The following ANKMY1 variants were observed in gnomAD, a reference collection of about 807,000 sequenced individuals.
ANKMY1 encodes ankyrin repeat and MYND domain containing 1.
Under a neutral mutation model 102.0 loss-of-function variants are expected in ANKMY1, and 98 were observed. The ratio of observed to expected loss-of-function variants is 0.96; its 90% CI spans 0.82 to 1.14. The LOEUF (loss-of-function observed/expected upper bound fraction) is 1.14, where lower values mean the gene tolerates loss of function less well. Among genes scored for constraint, ANKMY1 ranks in the 50% most tolerant of loss-of-function variants. ANKMY1 has a pLI of 0.00. For missense variants in ANKMY1, 1,330 were observed against 1,347.6 expected (o/e 0.99, Z 0.20); for synonymous variants, 582 against 559.9 (o/e 1.04, Z -0.56).
Position 240,554,854 on chromosome 2 carries a change from G to A in ANKMY1, c.336+12C>T, listed in dbSNP as rs1350571334. On this transcript the variant is annotated intron_variant, in intron 3 of 17. Transcript: ENST00000401804. ...CTAGGGGAGGAGGCGGAGAAAGTGT[G>A]GAAGCAGTTACCTCGCCTGTGGGCC... is the stretch of plus-strand genomic sequence containing the variant. 5.0e-6 allele frequency: 8 copies of A among 1,613,916 alleles called. No individual in the cohort carries two copies. Among genetic ancestry groups the A allele is most frequent in the South Asian group, 1.1e-5 (1 of 91,074 alleles).
In ANKMY1 at chr2:240,524,247, G is replaced by A. The variant is rs765337972; in HGVS notation, c.1470C>T (p.Leu490=). The A allele has an allele frequency of 6.2e-7, 1 of 1,613,908 alleles. No individual in the cohort carries two copies. Among genetic ancestry groups the A allele is most frequent in the South Asian group, 1.1e-5 (1 of 91,086 alleles). ...CGTGGCTGCCTGAGACGCGTGGCAG[G>A]AGCAGTGGTGCTGGCGGTGGCCTCA... is the stretch of plus-strand genomic sequence containing the variant. The part of the protein sequence containing the change: ...YELRPPPAPL[L]LPRVSGSHEG... Residue 490 remains leucine (L), a synonymous_variant, in exon 8 of 18, where the codon CTC becomes CTT. Coordinates refer to ENST00000401804, the MANE Select transcript of ANKMY1 (RefSeq NM_001282771.3).
At position 240,512,945 on chromosome 2, in the gene ANKMY1, G is replaced by A; in HGVS notation, c.2005-3C>T. On this transcript the variant is annotated splice_region_variant and splice_polypyrimidine_tract_variant and intron_variant, in intron 9 of 17. Coordinates refer to ENST00000401804, the MANE Select transcript of ANKMY1 (RefSeq NM_001282771.3). The stretch of plus-strand genomic sequence containing the variant: ...TGGAGTGGTGTCAGGGTGCTCAGCT[G>A]CAGAGGAAACACCGGGGCGGGCAGT... The A allele has an allele frequency of 6.2e-7, 1 of 1,611,042 alleles. No individual in the cohort carries two copies. Among genetic ancestry groups the A allele is most frequent in the Non-Finnish European group, 8.5e-7 (1 of 1,178,320 alleles).
At chr2:240,557,512 C>T (rs570533932) in intron 1 of ANKMY1, 160 bp from the exon 2 acceptor site, 1 of 753,916 alleles carries the variant, frequency 1.3e-6, no homozygotes, top group Non-Finnish European at 1.9e-6. Context: ...CCCGGACCAC[C>T]ATCCCTGGGA....
chr2:240,532,504 A>G (rs1422358096), intron 4 of ANKMY1, among the ~76,000 whole-genome samples: 1 of 152,222 alleles, frequency 6.6e-6, no homozygotes, highest in Non-Finnish European at 1.5e-5. Context: ...ACTCTTGATA[A>G]AAGACCAGAA....
At chr2:240,510,021 G>C (rs10186521) in intron 11 of ANKMY1, among the ~76,000 whole-genome samples, 9 of 127,012 alleles carry the variant, frequency 7.1e-5, no homozygotes, top group South Asian at 2.5e-4. Context: ...CTCCTCCCCC[G>C]TCCCTGTCCT....
At chr2:240,482,284 T>G in intron 15 of ANKMY1, 23 bp from the exon 16 acceptor site, 1 of 1,600,908 alleles carries the variant, frequency 6.2e-7, no homozygotes, top group Non-Finnish European at 8.5e-7. Flanking sequence ...GGGTCCCGCA[T>G]TAGTACCCAC....
downstream of ANKMY1, among the ~76,000 whole-genome samples, chr2:240,478,125 A>T (rs1039741097): frequency 2.0e-5 from 3 of 152,128 alleles, no homozygotes; most frequent in Non-Finnish European, 4.4e-5. Context: ...CTCCCGCTCC[A>T]GCCATGCGAA....
intron 13 of ANKMY1, 53 bp downstream of exon 13, chr2:240,507,507 C>T: frequency 6.4e-7 from 1 of 1,556,654 alleles, no homozygotes. Context: ...TCAGGGCCAC[C>T]CCACCACCCT....
upstream of ANKMY1, chr2:240,560,936 C>G (rs1399380473): frequency 2.0e-6 from 3 of 1,538,076 alleles, no homozygotes; most frequent in Non-Finnish European, 2.6e-6. Flanking sequence ...ACCTGGAGCC[C>G]ACGTGCGCCG....
chr2:240,550,120 T>C (rs2125049898), intron 4 of ANKMY1, among the ~76,000 whole-genome samples: 1 of 152,052 alleles, frequency 6.6e-6, no homozygotes, highest in Middle Eastern at 3.4e-3. Context: ...CCAACCCAAA[T>C]GTCCAACAAT....
Position 240,520,822 on chromosome 2 carries a change from C to CCACACACAAGCCACACCAGAG in ANKMY1, c.1833-310_1833-290dup, listed in dbSNP as rs1167638063. ...CACACAGTACACACAGCACACAACC[C>CCACACACAAGCCACACCAGAG]CACACACAAGCCACACCAGAGCGCA... On this transcript the variant is annotated intron_variant, in intron 8 of 17. Coordinates refer to ENST00000401804, the MANE Select transcript of ANKMY1 (RefSeq NM_001282771.3). This position sits in a 1 kb window ranked among gnomAD's most constrained non-coding sequence, Gnocchi z 4.8. Among the ~76,000 whole-genome samples, 2 of 150,726 alleles carry CCACACACAAGCCACACCAGAG rather than the reference C, an allele frequency of 1.3e-5. No homozygotes were observed. The highest frequency in any genetic ancestry group is 3.9e-4 in the East Asian group (2 of 5,116).
chr2:240,557,185 C>T lies in ANKMY1; in HGVS notation c.146+5G>A. 6.6e-7 allele frequency: 1 copy of T among 1,515,646 alleles called. No homozygotes were observed. Among genetic ancestry groups the T allele is most frequent in the South Asian group, 1.3e-5 (1 of 79,606 alleles). 93.9% of individuals were successfully genotyped at this position (1,515,646 alleles called of 1,614,324 possible). A position where few individuals can be genotyped will look rare whatever the true frequency, so the allele number is the denominator to read the frequency against. ...CGGACCTCCCCGCTGGAGGGTCCCC[C>T]GCACCTTGTGGCGAAGACAGCGTAG... On this transcript the variant is annotated splice_donor_5th_base_variant and intron_variant, in intron 2 of 17. Transcript: ENST00000401804.
downstream of ANKMY1, among the ~76,000 whole-genome samples, chr2:240,475,596 T>C (rs1402432436): frequency 6.6e-6 from 1 of 151,894 alleles, no homozygotes. Flanking sequence ...TTATTGCTAA[T>C]TATTTTATTA....
At chr2:240,528,751 CT>C (rs991284382) in intron 5 of ANKMY1, among the ~76,000 whole-genome samples, 1 of 152,214 alleles carries the variant, frequency 6.6e-6, no homozygotes, top group African/African-American at 2.4e-5. Flanking sequence ...ACCAAACCAC[CT>C]TCTGATCACT....
intron 4 of ANKMY1, among the ~76,000 whole-genome samples, chr2:240,548,710 T>C (rs2090927213): frequency 6.6e-6 from 1 of 151,578 alleles, no homozygotes; most frequent in Non-Finnish European, 1.5e-5. Context: ...AGCATTCTTA[T>C]ACACCAACAA....
chr2:240,524,338 AATG>A lies in ANKMY1; in HGVS notation c.1376_1378del (p.Ser459del). On this transcript the variant is annotated inframe_deletion, in exon 8 of 18. Coordinates refer to ENST00000401804, the MANE Select transcript of ANKMY1 (RefSeq NM_001282771.3). ...CAGAGACTCCAGGTTTGTGTCCATA[AATG>A]ATGATGAAAGGATTGGAACAACTGG... 3 of 1,608,994 alleles carry A rather than the reference AATG, an allele frequency of 1.9e-6. No individual in the cohort carries two copies. The highest frequency in any genetic ancestry group is 1.1e-5 in the South Asian group (1 of 90,632).
At chr2:240,526,602 C>T (rs2083470880) in intron 5 of ANKMY1, 157 bp from the exon 6 acceptor site, 6 of 1,463,436 alleles carry the variant, frequency 4.1e-6, no homozygotes, top group Admixed American at 4.8e-5. Flanking sequence ...CAGCTGCACC[C>T]GCAGCTGCTC....
chr2:240,471,946 C>T, the ANKMY1 span, among the ~76,000 whole-genome samples: 2 of 152,170 alleles, frequency 1.3e-5, no homozygotes, highest in African/African-American at 2.4e-5. Context: ...CCAGTCCATC[C>T]CCCCTGAAGG....
chr2:240,554,581 T>C (rs4494742), intron 3 of ANKMY1: 351,707 of 362,440 alleles, frequency 0.97, 170,717 homozygotes, highest in East Asian at 1. Context: ...ATATACGAGT[T>C]GCTATGGCAA....
Sources: allele counts gnomAD v4.1 joint callset (sites outside exome capture counted in the v4.1 genomes callset), GRCh38; gene constraint gnomAD v4.1.1; non-coding constraint Gnocchi (gnomAD v3.1); transcripts MANE v1.5; gene names NCBI Gene and HGNC (gene_info 2026-07-23, HGNC 2026-07-21).